The following NEB variants were observed in gnomAD, a reference collection of about 807,000 sequenced individuals.
NEB encodes the protein nemaline myopathy type 2.
Under a neutral mutation model 952.2 loss-of-function variants are expected in NEB, and 512 were observed. The observed-to-expected ratio is 0.54, with a 90% CI of 0.50 to 0.58. NEB has a LOEUF of 0.58. Among genes scored for constraint, NEB ranks in the 20% least tolerant of loss-of-function variants. NEB has a pLI of 0.00. For missense variants in NEB, 8,428 were observed against 9,231.1 expected (o/e 0.91, Z 3.56); for synonymous variants, 2,900 against 3,149.8 (o/e 0.92, Z 2.66).
In NEB at chr2:151,513,588, C is replaced by T. The variant is rs1179461829; in HGVS notation, c.23233G>A (p.Ala7745Thr). The part of the protein sequence containing the change: ...FMRARNATDI[A>T]SQIKYKQSAE... ...CGAATAGTAGCACTGACCTGACTGG[C>T]AATATCAGTAGCATTCCTGGCCCTC... is the stretch of plus-strand genomic sequence containing the variant. Residue 7745 changes from alanine to threonine, a missense_variant, in exon 160 of 182, where the codon GCC (alanine) becomes ACC (threonine). Physicochemically the swap from Ala to Thr is moderately conservative, Grantham distance 58. Around this residue, in one of 11 missense-constraint regions of NEB, gnomAD observed 3,374 missense variants for 3,651.5 expected, o/e 0.92. Coordinates refer to ENST00000397345, the MANE Select transcript of NEB (RefSeq NM_001164508.2). 1 of 1,604,450 alleles carries T rather than the reference C, an allele frequency of 6.2e-7. No homozygotes were observed. Among genetic ancestry groups the T allele is most frequent in the Non-Finnish European group, 8.5e-7 (1 of 1,174,658 alleles).
chr2:151,642,717 A>G, intron 59 of NEB, 36 bp from the exon 60 acceptor site: 1 of 1,608,332 alleles, frequency 6.2e-7, no homozygotes, highest in South Asian at 1.1e-5. Flanking sequence ...GGATTTATAA[A>G]GTGCATTGTA....
At chr2:151,731,674 A>G (rs1215920900) in intron 3 of NEB, among the ~76,000 whole-genome samples, 1 of 152,164 alleles carries the variant, frequency 6.6e-6, no homozygotes, top group Non-Finnish European at 1.5e-5. Context: ...CTTTTTTATG[A>G]CATCTAGTTG....
chr2:151,494,280 G>A (rs1464525800), intron 173 of NEB, 27 bp from the exon 174 acceptor site: 5 of 1,473,838 alleles, frequency 3.4e-6, no homozygotes, highest in Admixed American at 4.0e-5. Flanking sequence ...GGTCCAAAAA[G>A]CCAAAAAGAA....
chr2:151,640,330 C>T (rs766565869), intron 61 of NEB, 25 bp downstream of exon 61: 19 of 1,606,912 alleles, frequency 1.2e-5, no homozygotes, highest in South Asian at 3.3e-5. Flanking sequence ...CACCTCTGCA[C>T]GTTATTATGA....
At chr2:151,549,568 TATTA>T in intron 130 of NEB, 64 bp downstream of exon 130, 1 of 979,942 alleles carries the variant, frequency 1.0e-6, no homozygotes, top group South Asian at 1.4e-5. Context: ...TAGAACAGGC[TATTA>T]ATTAATATGA....
chr2:151,698,796 C>T (rs1376570667), intron 13 of NEB, among the ~76,000 whole-genome samples: 5 of 151,840 alleles, frequency 3.3e-5, no homozygotes, highest in Non-Finnish European at 7.4e-5. Context: ...TGCCACCATG[C>T]CCGGCTAATT....
At chr2:151,609,203 G>T (rs1184050031) in intron 81 of NEB, among the ~76,000 whole-genome samples, 1 of 84,066 alleles carries the variant, frequency 1.2e-5, no homozygotes, top group Non-Finnish European at 3.1e-5. Flanking sequence ...CAAAATAAAA[G>T]AAAAAAAAAA....
chr2:151,569,423 A>C, intron 109 of NEB, 51 bp from the exon 110 acceptor site: 1 of 1,369,030 alleles, frequency 7.3e-7, no homozygotes, highest in South Asian at 1.2e-5. Flanking sequence ...ATGTGGTCCT[A>C]GTTAGCCTAT....
At position 151,529,091 on chromosome 2, in the gene NEB, C is replaced by G; in HGVS notation, c.21735+119G>C. The G allele has an allele frequency of 4.1e-6, 3 of 726,880 alleles. No individual in the cohort carries two copies. The East Asian group carries it at 7.6e-5, about 19-fold the overall frequency. 45.0% of individuals were successfully genotyped at this position (726,880 alleles called of 1,614,324 possible). On this transcript the variant is annotated intron_variant, in intron 146 of 181. Coordinates refer to ENST00000397345, the MANE Select transcript of NEB (RefSeq NM_001164508.2). ...CATTGTTCATGCTCCTGGGGCCTGA[C>G]TCTTGCTTTGGAATCAATCACTAGA...
intron 54 of NEB, 59 bp from the exon 55 acceptor site, chr2:151,646,293 G>T: frequency 1.6e-6 from 2 of 1,258,722 alleles, no homozygotes; most frequent in East Asian, 2.5e-5. Context: ...TGATACAGTT[G>T]GCTTCAAACA....
intron 144 of NEB, 102 bp downstream of exon 144, chr2:151,531,690 A>T: frequency 1.2e-6 from 1 of 857,028 alleles, no homozygotes; most frequent in Non-Finnish European, 1.9e-6. Flanking sequence ...CCTCCCACTA[A>T]ATGGCAGTAG....
At position 151,696,678 on chromosome 2, in the gene NEB, C is replaced by A. The variant is rs749473348; in HGVS notation, c.1528G>T (p.Val510Phe). The A allele has an allele frequency of 3.1e-6, 5 of 1,613,726 alleles. No individual in the cohort carries two copies. In the African/African-American group the frequency reaches 6.7e-5, roughly 22 times the overall value. ...GAATTGACTTGGGCTTGTAGCAGAACAGGAGAGTCTGTAACTTGGGTGAAT... is the reference window on the plus strand; with the variant it reads ...GAATTGACTTGGGCTTGTAGCAGAAAAGGAGAGTCTGTAACTTGGGTGAAT... ...TKFTQVTDSP[V>F]LLQAQVNSKQ... is the part of the protein sequence containing the mutation. Residue 510 changes from valine (V) to phenylalanine (F), a missense_variant, in exon 17 of 182, where the codon GTT (valine) becomes TTT (phenylalanine). By Grantham distance (50) the Val-to-Phe change is conservative. This residue lies in a region of NEB where 2,851 missense variants were observed against 2,791.5 expected (regional missense o/e 1.02). Coordinates refer to ENST00000397345, the MANE Select transcript of NEB (RefSeq NM_001164508.2).
At chr2:151,544,931 T>A (rs2094502846) in intron 135 of NEB, among the ~76,000 whole-genome samples, 1 of 152,220 alleles carries the variant, frequency 6.6e-6, no homozygotes, top group Admixed American at 6.5e-5. Context: ...AACTGACCTA[T>A]AAGAAGAGCA....
intron 107 of NEB, among the ~76,000 whole-genome samples, chr2:151,571,464 T>C (rs2096626189): frequency 6.6e-6 from 1 of 152,254 alleles, no homozygotes; most frequent in African/African-American, 2.4e-5. Flanking sequence ...TTTAATGCAA[T>C]AATTCAATTT....
rs1180613075 is a variant in NEB, at chr2:151,667,873, C to T, written c.4650G>A (p.Lys1550=). The T allele has an allele frequency of 1.2e-6, 2 of 1,612,500 alleles. No individual in the cohort carries two copies. Among genetic ancestry groups the T allele is most frequent in the African/African-American group, 1.3e-5 (1 of 75,000 alleles). ...TGGCATCTGGTCTCAAATCATAGCC[C>T]TTGGCAATGGTTTTCTTCCAATCTG... ...YKADWKKTIA[K]GYDLRPDAIP... Residue 1550 remains lysine (K), a synonymous_variant, in exon 40 of 182, where the codon AAG becomes AAA. Coordinates refer to ENST00000397345, the MANE Select transcript of NEB (RefSeq NM_001164508.2).
chr2:151,670,752 T>C (rs747044882), intron 38 of NEB, among the ~76,000 whole-genome samples: 2 of 152,240 alleles, frequency 1.3e-5, no homozygotes, highest in Non-Finnish European at 2.9e-5. Context: ...TTATTTCATA[T>C]GTATAATGCG....
rs772896923 is a variant in NEB, at chr2:151,525,151, G to A, written c.22272+12C>T. ...AAATGGGCCCCCAAGAGTGTTGAGA[G>A]GGAAAACTTACATCACTTTGCTTCT... On this transcript the variant is annotated intron_variant, in intron 151 of 181. Coordinates refer to ENST00000397345, the MANE Select transcript of NEB (RefSeq NM_001164508.2). 1.3e-6 allele frequency: 2 copies of A among 1,596,744 alleles called. No individual in the cohort carries two copies. The highest frequency in any genetic ancestry group is 1.3e-5 in the African/African-American group (1 of 74,704).
chr2:151,562,321 T>G, intron 120 of NEB, 107 bp from the exon 121 acceptor site: 1 of 993,356 alleles, frequency 1.0e-6, no homozygotes, highest in Non-Finnish European at 1.6e-6. Context: ...TTAGAAGACA[T>G]AGGGTAGGCC....
Position 151,576,168 on chromosome 2 carries a change from C to T in NEB, c.16891G>A (p.Ala5631Thr), listed in dbSNP as rs1288404307. ...TPEVVLAKSN[A>T]ENISIPKYRE... is the part of the protein sequence containing the mutation. ...TAACTCACAATACTAATATTTTCAG[C>T]ATTTGATTTAGCAAGGACCACTTCA... Residue 5631 changes from alanine (A) to threonine (T), a missense_variant, in exon 106 of 182, where the codon GCT becomes ACT. By Grantham distance (58) the Ala-to-Thr change is moderately conservative. Transcript: ENST00000397345. The T allele has an allele frequency of 6.3e-7, 1 of 1,596,504 alleles. No individual in the cohort carries two copies. Among genetic ancestry groups the T allele is most frequent in the Non-Finnish European group, 8.6e-7 (1 of 1,169,014 alleles).
Sources: allele counts gnomAD v4.1 joint callset (sites outside exome capture counted in the v4.1 genomes callset), GRCh38; gene constraint gnomAD v4.1.1; regional missense constraint gnomAD v4.1.1; transcripts MANE v1.5; gene names NCBI Gene and HGNC (gene_info 2026-07-23, HGNC 2026-07-21).